The following PSMD14 variants were observed in gnomAD, a reference collection of about 807,000 sequenced individuals.
PSMD14 encodes ubiquitin C-terminal hydrolase PSMD14.
In PSMD14, 7 loss-of-function variants were observed where a neutral mutation model predicts 41.2. The observed-to-expected ratio is 0.17, with a 90% confidence interval of 0.10 to 0.32. The LOEUF is 0.32. Among genes scored for constraint, PSMD14 ranks in the 10% least tolerant of loss-of-function variants. PSMD14 has a pLI of 1.00. For missense variants in PSMD14, 139 were observed against 375.6 expected (o/e 0.37, Z 5.21); for synonymous variants, 114 against 122.3 (o/e 0.93, Z 0.45).
intron 3 of PSMD14, among the ~76,000 whole-genome samples, chr2:161,350,405 A>G (rs945872220): frequency 1.3e-5 from 2 of 152,242 alleles, no homozygotes; most frequent in African/African-American, 4.8e-5. Context: ...AATTTATACC[A>G]AGAAGGAAGT....
At chr2:161,411,197 G>C (rs998756776) in intron 11 of PSMD14, 105 bp from the exon 12 acceptor site, 1 of 588,624 alleles carries the variant, frequency 1.7e-6, no homozygotes, top group African/African-American at 1.9e-5. Context: ...TTTAAGTAAG[G>C]TCTGGCTTTC....
intron 3 of PSMD14, among the ~76,000 whole-genome samples, chr2:161,332,398 AT>A (rs1017406099): frequency 6.6e-6 from 1 of 152,212 alleles, no homozygotes; most frequent in African/African-American, 2.4e-5. Context: ...TAAAAAAATT[AT>A]TTTGGGAAAA....
chr2:161,403,043 A>C (rs1261813122), intron 10 of PSMD14, among the ~76,000 whole-genome samples: 2 of 152,258 alleles, frequency 1.3e-5, no homozygotes, highest in Non-Finnish European at 2.9e-5. Context: ...GCTCATAAGT[A>C]TATACCCAAA....
At position 161,396,689 on chromosome 2, in the gene PSMD14, T is replaced by G. The variant is rs372471479; in HGVS notation, c.771+1486T>G. Among the ~76,000 whole-genome samples, 32 of 152,204 alleles carry G rather than the reference T, an allele frequency of 2.1e-4. 2 individuals carry two copies. In the South Asian group the frequency reaches 6.6e-3, roughly 32 times the overall value. On this transcript the variant is annotated intron_variant, in intron 10 of 11. Transcript: ENST00000409682. ...GGAGCAAAAAAGACATAGGACATGT[T>G]TAAGAAACAATATGCTTGGCTAGCA...
intron 3 of PSMD14, among the ~76,000 whole-genome samples, chr2:161,344,648 G>A (rs1683015920): frequency 6.6e-6 from 1 of 152,086 alleles, no homozygotes; most frequent in African/African-American, 2.4e-5. Context: ...TCTTTTTATT[G>A]TATAGATCCA....
chr2:161,379,829 C>G (rs1683551748), intron 7 of PSMD14, among the ~76,000 whole-genome samples: 1 of 152,046 alleles, frequency 6.6e-6, no homozygotes, highest in Non-Finnish European at 1.5e-5. Flanking sequence ...AGCCAGGCTG[C>G]TGGGGAGTCC....
intron 1 of PSMD14, among the ~76,000 whole-genome samples, chr2:161,315,644 A>G (rs144870224): frequency 6.4e-4 from 98 of 152,098 alleles, no homozygotes; most frequent in African/African-American, 2.2e-3. Context: ...TGTTTTTGGA[A>G]TAGTTGATTA....
intron 7 of PSMD14, chr2:161,383,280 A>G (rs1351527187): frequency 6.6e-6 from 1 of 152,068 alleles, no homozygotes; most frequent in African/African-American, 2.4e-5. Context: ...GTTGTTGAAC[A>G]TGTTAGTTTC....
intron 3 of PSMD14, among the ~76,000 whole-genome samples, chr2:161,347,528 T>C (rs889336247): frequency 6.6e-6 from 1 of 152,184 alleles, no homozygotes; most frequent in African/African-American, 2.4e-5. Context: ...ATTAAGATAG[T>C]GCTGAGATTT....
intron 3 of PSMD14, among the ~76,000 whole-genome samples, chr2:161,326,786 A>C (rs1006514931): frequency 6.6e-6 from 1 of 152,214 alleles, no homozygotes; most frequent in Admixed American, 6.5e-5. Context: ...ATAAAATGGC[A>C]TAGTATTTGC....
rs114869326 is a variant in PSMD14 at position 161,359,901 on chromosome 2, C to T, written c.49-7577C>T. Among the ~76,000 whole-genome samples the T allele has an allele frequency of 7.8e-3, 1,189 of 152,126 alleles. 23 individuals carry two copies. The highest frequency in any genetic ancestry group is 0.028 in the African/African-American group (1,154 of 41,498). On this transcript the variant is annotated intron_variant, in intron 3 of 11. Coordinates refer to ENST00000409682, the MANE Select transcript of PSMD14 (RefSeq NM_005805.6). The stretch of plus-strand genomic sequence containing the variant: ...TACATTTTAGCCTTGTGATATATGT[C>T]GATGTAGATGTATATTTGATTACCT...
intron 11 of PSMD14, among the ~76,000 whole-genome samples, chr2:161,410,616 G>C (rs1333220785): frequency 6.6e-6 from 1 of 151,980 alleles, no homozygotes; most frequent in Non-Finnish European, 1.5e-5. Flanking sequence ...TTCAAAAATA[G>C]ATTTGATCAG....
chr2:161,404,944 A>G (rs1683929759), intron 10 of PSMD14, among the ~76,000 whole-genome samples: 1 of 152,186 alleles, frequency 6.6e-6, no homozygotes, highest in African/African-American at 2.4e-5. Flanking sequence ...CAATGCCAAC[A>G]ACTTTGAAAT....
At chr2:161,366,201 C>T (rs1483024464) in intron 3 of PSMD14, among the ~76,000 whole-genome samples, 2 of 152,028 alleles carry the variant, frequency 1.3e-5, no homozygotes, top group Non-Finnish European at 2.9e-5. Context: ...GGTCAGTTTC[C>T]AACTTTATTG....
chr2:161,356,248 C>G (rs1485785338), intron 3 of PSMD14, among the ~76,000 whole-genome samples: 1 of 152,090 alleles, frequency 6.6e-6, no homozygotes, highest in Admixed American at 6.5e-5. Flanking sequence ...TTAACACCTC[C>G]TATAACAGGT....
At chr2:161,389,889 GTTTTTTTT>G (rs1162637393) in intron 8 of PSMD14, among the ~76,000 whole-genome samples, 1 of 20,042 alleles carries the variant, frequency 5.0e-5, no homozygotes, top group African/African-American at 1.5e-4. Context: ...CTTTTTTGTT[GTTTTTTTT>G]TTTTTTTTTT....
chr2:161,355,847 A>G (rs1206359548), intron 3 of PSMD14, among the ~76,000 whole-genome samples: 1 of 152,234 alleles, frequency 6.6e-6, no homozygotes, highest in Non-Finnish European at 1.5e-5. Context: ...CAGAAATGTA[A>G]ATGGAAACCC....
intron 3 of PSMD14, among the ~76,000 whole-genome samples, chr2:161,351,416 C>T (rs991331370): frequency 1.3e-5 from 2 of 152,312 alleles, no homozygotes; most frequent in Admixed American, 1.3e-4. Flanking sequence ...CTCTGACCTT[C>T]TCATATCTCA....
At chr2:161,398,772 A>G (rs934942293) in intron 10 of PSMD14, among the ~76,000 whole-genome samples, 1 of 152,082 alleles carries the variant, frequency 6.6e-6, no homozygotes. Context: ...ATGCTTACAT[A>G]TGAAATATGT....
Sources: allele counts gnomAD v4.1 joint callset (sites outside exome capture counted in the v4.1 genomes callset), GRCh38; gene constraint gnomAD v4.1.1; transcripts MANE v1.5; gene names NCBI Gene and HGNC (gene_info 2026-07-23, HGNC 2026-07-21).